The following SGMS1 variants were observed in gnomAD, a reference collection of about 807,000 sequenced individuals.
SGMS1 encodes the protein sphingomyelin synthase 1, also known as phosphatidylcholine:ceramide cholinephosphotransferase 1.
A neutral mutation model predicts 46.2 loss-of-function variants in SGMS1; 13 were observed. The ratio of observed to expected loss-of-function variants is 0.28; its 90% CI spans 0.18 to 0.45. The LOEUF (loss-of-function observed/expected upper bound fraction) is 0.45. Among genes scored for constraint, SGMS1 ranks in the 20% least tolerant of loss-of-function variants. The pLI, the probability that SGMS1 is intolerant of heterozygous loss-of-function variation, is 1.00. For missense variants in SGMS1, 324 were observed against 519.9 expected (o/e 0.62, Z 3.66); for synonymous variants, 203 against 187.8 (o/e 1.08, Z -0.66).
In SGMS1 at chr10:50,343,880, C is replaced by T. The variant is rs182197506; in HGVS notation, c.235G>A (p.Gly79Ser). 5.0e-5 allele frequency: 81 copies of T among 1,614,100 alleles called. No individual in the cohort carries two copies. In the East Asian group the frequency reaches 1.5e-3, roughly 30 times the overall value. Reference protein sequence around the residue: ...MEHHLEAHKNGHANGHLNIGV... With the variant: ...MEHHLEAHKNSHANGHLNIGV... ...ATGTTGAGGTGCCCATTGGCATGGC[C>T]GTTCTTGTGTGCTTCCAAATGGTGC... The change falls in exon 7 of 11, where the codon GGC becomes AGC. Residue 79 changes from glycine to serine, a missense_variant. Gly to Ser is a moderately conservative substitution (Grantham distance 56, BLOSUM62 0). Coordinates refer to ENST00000361781, the MANE Select transcript of SGMS1 (RefSeq NM_147156.4).
chr10:50,478,303 A>AT (rs989139646), intron 3 of SGMS1, among the ~76,000 whole-genome samples: 3 of 152,200 alleles, frequency 2.0e-5, no homozygotes, highest in Admixed American at 2.0e-4. Flanking sequence ...GAAATAAAAT[A>AT]TTTTTGTCCC....
intron 3 of SGMS1, among the ~76,000 whole-genome samples, chr10:50,475,165 C>T (rs1837409452): frequency 6.6e-6 from 1 of 152,140 alleles, no homozygotes; most frequent in South Asian, 2.1e-4. Context: ...TTGTCCATAG[C>T]AATGTAAATA....
chr10:50,450,194 A>G (rs1335966594), intron 5 of SGMS1, among the ~76,000 whole-genome samples: 2 of 152,220 alleles, frequency 1.3e-5, no homozygotes, highest in African/African-American at 4.8e-5. Context: ...GTGAAATCAT[A>G]TCATTCTGGG....
intron 5 of SGMS1, among the ~76,000 whole-genome samples, chr10:50,440,064 T>C (rs1428844936): frequency 6.6e-6 from 1 of 152,182 alleles, no homozygotes; most frequent in East Asian, 1.9e-4. Flanking sequence ...ATTTCTGGTA[T>C]GTATTTTGGT....
At chr10:50,540,927 G>A (rs952694435) in intron 2 of SGMS1, among the ~76,000 whole-genome samples, 1 of 152,154 alleles carries the variant, frequency 6.6e-6, no homozygotes, top group African/African-American at 2.4e-5. Flanking sequence ...AGTCACCCAG[G>A]TGACTGGACC....
intron 8 of SGMS1, among the ~76,000 whole-genome samples, chr10:50,314,340 G>T (rs887834685): frequency 3.3e-5 from 5 of 152,220 alleles, no homozygotes; most frequent in Middle Eastern, 3.4e-3. Flanking sequence ...TAGTGCAGGG[G>T]AAGAGCAGGC....
chr10:50,452,259 G>C (rs945894323), intron 5 of SGMS1, among the ~76,000 whole-genome samples: 1 of 152,026 alleles, frequency 6.6e-6, no homozygotes, highest in African/African-American at 2.4e-5. Context: ...CCAACTTAGA[G>C]AGCACATTAC....
chr10:50,520,462 C>T (rs1837848009), intron 2 of SGMS1, among the ~76,000 whole-genome samples: 1 of 152,156 alleles, frequency 6.6e-6, no homozygotes, highest in Non-Finnish European at 1.5e-5. Flanking sequence ...AGAGCTTTCA[C>T]ATGCATTTTC....
At chr10:50,314,521 C>T (rs1847308214) in intron 8 of SGMS1, among the ~76,000 whole-genome samples, 1 of 152,162 alleles carries the variant, frequency 6.6e-6, no homozygotes, top group African/African-American at 2.4e-5. Context: ...AGTTTACCAG[C>T]AATTTAAACA....
intron 6 of SGMS1, among the ~76,000 whole-genome samples, chr10:50,352,344 AAG>A (rs1356057509): frequency 2.0e-5 from 3 of 151,938 alleles, no homozygotes; most frequent in African/African-American, 7.3e-5. Flanking sequence ...CTAGACCCAG[AAG>A]ACTGTATGTT....
intron 8 of SGMS1, among the ~76,000 whole-genome samples, chr10:50,313,204 C>T (rs1196452051): frequency 1.3e-5 from 2 of 152,082 alleles, no homozygotes; most frequent in Admixed American, 6.6e-5. Flanking sequence ...GAAACTTGAA[C>T]GTGTGTAGTG....
chr10:50,399,671 T>C (rs1848902217), intron 6 of SGMS1, among the ~76,000 whole-genome samples: 1 of 152,102 alleles, frequency 6.6e-6, no homozygotes, highest in Admixed American at 6.6e-5. Flanking sequence ...ATATACCAGA[T>C]TGTTCATTAT....
chr10:50,512,049 A>G (rs952423522), intron 3 of SGMS1, among the ~76,000 whole-genome samples: 10 of 152,174 alleles, frequency 6.6e-5, no homozygotes, highest in Admixed American at 2.6e-4. Flanking sequence ...TCAGATTACA[A>G]TGTCCATAGT....
chr10:50,604,303 C>T (rs761440480), intron 1 of SGMS1, among the ~76,000 whole-genome samples: 2 of 152,126 alleles, frequency 1.3e-5, no homozygotes, highest in Non-Finnish European at 2.9e-5. Context: ...ACCACCAGGG[C>T]TGAACCGTCG....
At chr10:50,466,736 G>A (rs1279879413) in intron 4 of SGMS1, among the ~76,000 whole-genome samples, 154 bp downstream of exon 4, 1 of 151,970 alleles carries the variant, frequency 6.6e-6, no homozygotes, top group Non-Finnish European at 1.5e-5. Context: ...TTAATTAAAT[G>A]GTAATATGTA....
chr10:50,549,162 A>C (rs1254391213), intron 2 of SGMS1, among the ~76,000 whole-genome samples: 1 of 152,244 alleles, frequency 6.6e-6, no homozygotes, highest in Non-Finnish European at 1.5e-5. Flanking sequence ...AAGAGGCAGA[A>C]ATACCATTTG....
intron 6 of SGMS1, among the ~76,000 whole-genome samples, chr10:50,375,422 A>G (rs936181851): frequency 2.0e-5 from 3 of 152,240 alleles, no homozygotes; most frequent in African/African-American, 7.2e-5. Flanking sequence ...ATTACCTTGT[A>G]GCAGGCATGG....
At chr10:50,410,804 G>A (rs147415475) in intron 6 of SGMS1, among the ~76,000 whole-genome samples, 27 of 152,300 alleles carry the variant, frequency 1.8e-4, no homozygotes, top group African/African-American at 5.8e-4. Context: ...CACCTTCTCT[G>A]TAGCTAGGCC....
chr10:50,443,847 A>G (rs1849575826), intron 5 of SGMS1, among the ~76,000 whole-genome samples: 3 of 152,168 alleles, frequency 2.0e-5, no homozygotes, highest in Non-Finnish European at 1.5e-5. Flanking sequence ...TAAAATGTAC[A>G]AAGACAATAG....
Sources: allele counts gnomAD v4.1 joint callset (sites outside exome capture counted in the v4.1 genomes callset), GRCh38; gene constraint gnomAD v4.1.1; transcripts MANE v1.5; gene names NCBI Gene and HGNC (gene_info 2026-07-23, HGNC 2026-07-21).